HPR: variants seen among roughly 807,000 people sequenced by gnomAD.
HPR encodes the protein haptoglobin-related protein.
A neutral mutation model predicts 18.5 loss-of-function variants in HPR; 17 were observed. The ratio of observed to expected loss-of-function variants is 0.92; its 90% CI spans 0.63 to 1.38. HPR has a LOEUF of 1.38. HPR is among the 40% of genes most tolerant of loss of function. HPR has a pLI of 0.00. For synonymous variants in HPR, 176 were observed against 165.0 expected, an observed-to-expected ratio of 1.07 and a Z score of -0.51; for missense variants, 457 against 432.4, an observed-to-expected ratio of 1.06 and a Z score of -0.51.
chr16:72,071,790 C>T (rs1392591597), intron 1 of HPR, among the ~76,000 whole-genome samples: 2 of 152,078 alleles, frequency 1.3e-5, no homozygotes, highest in African/African-American at 4.8e-5. Flanking sequence ...GGCATTTCAT[C>T]AACCAGAAAA....
At chr16:72,065,414 G>A (rs1175557316) in intron 1 of HPR, among the ~76,000 whole-genome samples, 17 of 152,084 alleles carry the variant, frequency 1.1e-4, no homozygotes, top group African/African-American at 1.2e-4. Flanking sequence ...CCTAATATGA[G>A]GGATTGAGCC....
chr16:72,067,897 T>C (rs868401493), intron 1 of HPR, among the ~76,000 whole-genome samples: 2 of 152,164 alleles, frequency 1.3e-5, no homozygotes, highest in African/African-American at 4.8e-5. Context: ...CAAAATTCCA[T>C]ATAATCATCA....
At chr16:72,073,786 G>A (rs1461773087) in intron 1 of HPR, 106 bp from the exon 2 acceptor site, 3 of 1,597,276 alleles carry the variant, frequency 1.9e-6, no homozygotes, top group Non-Finnish European at 1.7e-6. Context: ...ATGCATGTGT[G>A]TGTGTGCGTG....
At chr16:72,064,731 G>A (rs1372318164) in intron 1 of HPR, among the ~76,000 whole-genome samples, 1 of 152,186 alleles carries the variant, frequency 6.6e-6, no homozygotes. Flanking sequence ...TTTGTCCTTT[G>A]GCTCAGTGTT....
rs375115348 is a variant in HPR, at chr16:72,076,671, A to C, written c.637A>C (p.Asn213His). The C allele has an allele frequency of 1.9e-6, 3 of 1,614,042 alleles. No homozygotes were observed. Among genetic ancestry groups the C allele is most frequent in the Admixed American group, 1.7e-5 (1 of 59,998 alleles). ...GATGCCCATCTGCCTACCTTCAAAG[A>C]ATTATGCAGAAGTAGGGCGTGTGGG... ...RVMPICLPSK[N>H]YAEVGRVGYV... Residue 213 changes from asparagine to histidine, a missense_variant, in exon 5 of 5, where the codon AAT (asparagine) becomes CAT (histidine). By Grantham distance (68) the Asn-to-His change is moderately conservative. Transcript: ENST00000540303.
At chr16:72,066,387 A>G (rs1045213873) in intron 1 of HPR, among the ~76,000 whole-genome samples, 3 of 152,056 alleles carry the variant, frequency 2.0e-5, no homozygotes, top group Non-Finnish European at 2.9e-5. Flanking sequence ...TGCTATGGCA[A>G]TTTGGGAACA....
At position 72,074,348 on chromosome 16, in the gene HPR, G is replaced by C. The variant is rs747008113; in HGVS notation, c.156G>C (p.Gln52His). The change falls in exon 3 of 5, where the codon CAG becomes CAC. Residue 52 changes from glutamine (Q) to histidine (H), a missense_variant. By Grantham distance (24) the Gln-to-His change is conservative. Transcript: ENST00000540303. ...NGYVEHLFRYQCKNYYRLRTE... is the reference protein window; with the variant it reads ...NGYVEHLFRYHCKNYYRLRTE... ...ATGTGGAGCACTTGTTTCGCTACCA[G>C]TGTAAGAACTACTACAGACTGCGCA... 1.2e-6 allele frequency: 2 copies of C among 1,614,056 alleles called. No homozygotes were observed. Among genetic ancestry groups the C allele is most frequent in the Non-Finnish European group, 1.7e-6 (2 of 1,179,970 alleles).
intron 2 of HPR, 37 bp downstream of exon 2, chr16:72,074,014 G>A: frequency 6.2e-7 from 1 of 1,612,932 alleles, no homozygotes; most frequent in Non-Finnish European, 8.5e-7. Flanking sequence ...TGCATCCCTG[G>A]CACTGCCACA....
chr16:72,076,222 GC>G (rs1189660594), intron 4 of HPR, 80 bp from the exon 5 acceptor site: 1 of 1,588,940 alleles, frequency 6.3e-7, no homozygotes, highest in African/African-American at 1.3e-5. Context: ...AGCAGTGACA[GC>G]CGCCAATGCT....
At chr16:72,073,144 G>T (rs755413309) in intron 1 of HPR, among the ~76,000 whole-genome samples, 1 of 152,142 alleles carries the variant, frequency 6.6e-6, no homozygotes, top group East Asian at 1.9e-4. Context: ...AGCCAACCGG[G>T]TTCAGCTTAG....
At chr16:72,067,156 GA>G (rs1183219924) in intron 1 of HPR, among the ~76,000 whole-genome samples, 1 of 152,156 alleles carries the variant, frequency 6.6e-6, no homozygotes, top group Non-Finnish European at 1.5e-5. Context: ...CACGACCTTT[GA>G]AGAGGAACAG....
At chr16:72,065,056 A>G (rs960959175) in intron 1 of HPR, among the ~76,000 whole-genome samples, 2 of 152,176 alleles carry the variant, frequency 1.3e-5, no homozygotes, top group African/African-American at 4.8e-5. Flanking sequence ...CTGGTGGCTG[A>G]AAGTTCATGA....
At chr16:72,064,132 C>T (rs2041572954) in intron 1 of HPR, among the ~76,000 whole-genome samples, 1 of 152,160 alleles carries the variant, frequency 6.6e-6, no homozygotes, top group South Asian at 2.1e-4. Context: ...TGTGTCAATG[C>T]CCATGGCCAC....
intron 4 of HPR, among the ~76,000 whole-genome samples, chr16:72,076,028 A>C (rs554911645): frequency 9.4e-4 from 143 of 152,134 alleles, no homozygotes; most frequent in Middle Eastern, 6.8e-3. Context: ...TGTTGAGATA[A>C]TTGTTTAAAT....
At chr16:72,069,036 C>T (rs2041627406) in intron 1 of HPR, among the ~76,000 whole-genome samples, 3 of 152,122 alleles carry the variant, frequency 2.0e-5, no homozygotes, top group Admixed American at 1.3e-4. Flanking sequence ...ATCCAGTAAT[C>T]GATGGAGAAA....
intron 1 of HPR, among the ~76,000 whole-genome samples, chr16:72,071,725 C>T (rs555215188): frequency 2.6e-5 from 4 of 152,258 alleles, no homozygotes; most frequent in African/African-American, 9.6e-5. Flanking sequence ...TGGACACTGC[C>T]GAGTAACTGG....
At chr16:72,070,463 G>T (rs1211971219) in intron 1 of HPR, among the ~76,000 whole-genome samples, 2 of 152,150 alleles carry the variant, frequency 1.3e-5, no homozygotes, top group African/African-American at 4.8e-5. Flanking sequence ...GACCCTACTT[G>T]GTGCTCCTAA....
chr16:72,076,845 G>C lies in HPR; in HGVS notation c.811G>C (p.Gly271Arg). Residue 271 changes from glycine to arginine, a missense_variant, in exon 5 of 5, where the codon GGG (glycine) becomes CGG (arginine). By Grantham distance (125) the Gly-to-Arg change is moderately radical. Coordinates refer to ENST00000540303, the MANE Select transcript of HPR (RefSeq NM_020995.4). Reference sequence around the variant, plus strand: ...ATGGAAGGCACCGAAGAGCCCTGTAGGGGTGCAGCCCATACTGAACGAACA... The same window carrying C: ...ATGGAAGGCACCGAAGAGCCCTGTACGGGTGCAGCCCATACTGAACGAACA... ...PKWKAPKSPV[G>R]VQPILNEHTF... 1 of 1,614,268 alleles carries C rather than the reference G, an allele frequency of 6.2e-7. No individual in the cohort carries two copies. Among genetic ancestry groups the C allele is most frequent in the South Asian group, 1.1e-5 (1 of 91,088 alleles).
intron 1 of HPR, among the ~76,000 whole-genome samples, chr16:72,065,634 C>A (rs2041589934): frequency 6.6e-6 from 1 of 152,178 alleles, no homozygotes; most frequent in Admixed American, 6.5e-5. Flanking sequence ...AACCCTCAAT[C>A]TTCTGGCCAA....
Sources: allele counts gnomAD v4.1 joint callset (sites outside exome capture counted in the v4.1 genomes callset), GRCh38; gene constraint gnomAD v4.1.1; transcripts MANE v1.5; gene names NCBI Gene and HGNC (gene_info 2026-07-23, HGNC 2026-07-21).